The following SLC39A9 variants were observed in gnomAD, a reference collection of about 807,000 sequenced individuals.
SLC39A9 encodes the protein zinc transporter ZIP9.
A neutral mutation model predicts 28.4 loss-of-function variants in SLC39A9; 14 were observed. The ratio of observed to expected loss-of-function variants is 0.49; its 90% CI spans 0.33 to 0.77. SLC39A9 has a LOEUF of 0.77. Among genes scored for constraint, SLC39A9 ranks in the 30% least tolerant of loss-of-function variants. The pLI is 0.02. For missense variants in SLC39A9, 283 were observed against 381.1 expected (o/e 0.74, Z 2.14); for synonymous variants, 119 against 149.6 (o/e 0.80, Z 1.49).
chr14:69,404,639 A>T (rs1882813902), intron 1 of SLC39A9, among the ~76,000 whole-genome samples: 1 of 152,178 alleles, frequency 6.6e-6, no homozygotes, highest in Admixed American at 6.5e-5. Context: ...CTTCGCAGTC[A>T]TGGAAACTTC....
At chr14:69,440,312 G>T (rs1884980942) in intron 2 of SLC39A9, among the ~76,000 whole-genome samples, 1 of 151,960 alleles carries the variant, frequency 6.6e-6, no homozygotes, top group South Asian at 2.1e-4. Flanking sequence ...TGTCAGGCAC[G>T]GTGGCTCAAG....
chr14:69,428,016 C>A (rs1169924900), intron 2 of SLC39A9, among the ~76,000 whole-genome samples: 1 of 152,220 alleles, frequency 6.6e-6, no homozygotes, highest in Non-Finnish European at 1.5e-5. Flanking sequence ...CATGGTGGCT[C>A]ACGCCTATAA....
intron 1 of SLC39A9, 67 bp from the exon 2 acceptor site, chr14:69,424,027 A>G (rs1026824849): frequency 1.7e-6 from 2 of 1,157,718 alleles, no homozygotes; most frequent in African/African-American, 1.5e-5. Context: ...TTGATTACAG[A>G]TACTTGAGAA....
chr14:69,454,208 T>C (rs530035632), intron 4 of SLC39A9, among the ~76,000 whole-genome samples: 6 of 152,372 alleles, frequency 3.9e-5, no homozygotes, highest in African/African-American at 1.2e-4. Flanking sequence ...CAAATTTCAT[T>C]CATTCAACCA....
intron 1 of SLC39A9, among the ~76,000 whole-genome samples, chr14:69,423,752 G>A (rs961271376): frequency 2.0e-5 from 3 of 152,046 alleles, no homozygotes; most frequent in Admixed American, 6.6e-5. Flanking sequence ...ACAAAAATTA[G>A]CCAGATGTGG....
At chr14:69,401,339 C>T (rs534973868) in intron 1 of SLC39A9, among the ~76,000 whole-genome samples, 1 of 152,306 alleles carries the variant, frequency 6.6e-6, no homozygotes, top group Non-Finnish European at 1.5e-5. Context: ...CTGCCCAGTA[C>T]TTTGTGAACC....
chr14:69,409,086 A>AT (rs766503688), intron 1 of SLC39A9, among the ~76,000 whole-genome samples: 9 of 152,368 alleles, frequency 5.9e-5, no homozygotes, highest in Non-Finnish European at 1.3e-4. Context: ...CTTTAATTAA[A>AT]TTAACAATTT....
intron 1 of SLC39A9, among the ~76,000 whole-genome samples, chr14:69,417,355 A>C (rs1329929490): frequency 2.6e-5 from 4 of 152,194 alleles, no homozygotes; most frequent in African/African-American, 9.7e-5. Flanking sequence ...TACCAGTACC[A>C]TGCTGTTTTG....
Position 69,461,475 on chromosome 14 carries a change from C to T in SLC39A9, c.*2882C>T, listed in dbSNP as rs1886108587. 1.4e-6 allele frequency: 2 copies of T among 1,411,530 alleles called. No individual in the cohort carries two copies. The highest frequency in any genetic ancestry group is 1.8e-6 in the Non-Finnish European group (2 of 1,084,874). 87.4% of individuals were successfully genotyped at this position (1,411,530 alleles called of 1,614,324 possible). A position where few individuals can be genotyped will look rare whatever the true frequency, so the allele number is the denominator to read the frequency against. On this transcript the variant is annotated 3_prime_UTR_variant, in exon 7 of 7. Transcript: ENST00000336643. ...GACAGTTGGAAACAGTACTACCTAC[C>T]TAGAGGTTATGTGTTTTCTCTTTCT...
At position 69,399,366 on chromosome 14, in the gene SLC39A9, C is replaced by A. The variant is rs769071543; in HGVS notation, c.-4C>A. On this transcript the variant is annotated 5_prime_UTR_variant, in exon 1 of 7. Transcript: ENST00000336643. ...GTGGTTGTGGGTGAATAAAGGAGGG[C>A]AGAATGGATGATTTCATCTCCATTA... 7 of 1,613,158 alleles carry A rather than the reference C, an allele frequency of 4.3e-6. No individual in the cohort carries two copies. The East Asian group carries it at 1.6e-4, about 36-fold the overall frequency.
At chr14:69,451,806 C>G (rs1193439523) in intron 3 of SLC39A9, among the ~76,000 whole-genome samples, 1 of 152,116 alleles carries the variant, frequency 6.6e-6, no homozygotes, top group African/African-American at 2.4e-5. Flanking sequence ...GCCTTAAACT[C>G]CTAGGCACAA....
chr14:69,458,788 A>G lies in SLC39A9; in HGVS notation c.*195A>G. ...TAGAGTAGAAACACATTTACGTTGCAGTTAGCTATAGACATCCCATTGTGT... is the reference window on the plus strand; with the variant it reads ...TAGAGTAGAAACACATTTACGTTGCGGTTAGCTATAGACATCCCATTGTGT... On this transcript the variant is annotated 3_prime_UTR_variant, in exon 7 of 7. Coordinates refer to ENST00000336643, the MANE Select transcript of SLC39A9 (RefSeq NM_018375.5). 2 of 1,359,212 alleles carry G rather than the reference A, an allele frequency of 1.5e-6. No homozygotes were observed. Among genetic ancestry groups the G allele is most frequent in the Non-Finnish European group, 1.9e-6 (2 of 1,057,374 alleles). 84.2% of individuals were successfully genotyped at this position (1,359,212 alleles called of 1,614,324 possible). A position where few individuals can be genotyped will look rare whatever the true frequency, so the allele number is the denominator to read the frequency against.
Position 69,452,166 on chromosome 14 carries a change from C to T in SLC39A9, c.404-1075C>T, listed in dbSNP as rs117136683. Among the ~76,000 whole-genome samples the T allele has an allele frequency of 9.2e-5, 14 of 152,190 alleles. No homozygotes were observed. The East Asian group carries it at 1.9e-3, about 21-fold the overall frequency. ...GAAAGGAGAATAAGAAGGTTTTGTT[C>T]GATGGTGTTAAGCAAACTGGTTTAA... On this transcript the variant is annotated intron_variant, in intron 3 of 6. Coordinates refer to ENST00000336643, the MANE Select transcript of SLC39A9 (RefSeq NM_018375.5).
Position 69,424,078 on chromosome 14 carries a change from T to G in SLC39A9, c.97-16T>G. On this transcript the variant is annotated splice_polypyrimidine_tract_variant and intron_variant, in intron 1 of 6. Coordinates refer to ENST00000336643, the MANE Select transcript of SLC39A9 (RefSeq NM_018375.5). Reference sequence around the variant, plus strand: ...TTAATCAAAGTTTGCAATTATTTCTTTTGCTTTCTCCCCAGGAACGACTGA... The same window carrying G: ...TTAATCAAAGTTTGCAATTATTTCTGTTGCTTTCTCCCCAGGAACGACTGA... 6.2e-7 allele frequency: 1 copy of G among 1,604,232 alleles called. No individual in the cohort carries two copies. Among genetic ancestry groups the G allele is most frequent in the Non-Finnish European group, 8.5e-7 (1 of 1,171,500 alleles).
Position 69,459,169 on chromosome 14 carries a change from C to A in SLC39A9, c.*576C>A. 4 of 985,866 alleles carry A rather than the reference C, an allele frequency of 4.1e-6. No homozygotes were observed. Among genetic ancestry groups the A allele is most frequent in the Non-Finnish European group, 4.8e-6 (4 of 830,124 alleles). The allele number at this position is 985,866 out of a possible 1,614,324, so 61.1% of individuals were successfully genotyped here. Reference sequence around the variant, plus strand: ...AAATGATAGCAAGACACATTGAAAGCTCTCTTTATACTCAAAAGAGATATC... The same window carrying A: ...AAATGATAGCAAGACACATTGAAAGATCTCTTTATACTCAAAAGAGATATC... On this transcript the variant is annotated 3_prime_UTR_variant, in exon 7 of 7. Coordinates refer to ENST00000336643, the MANE Select transcript of SLC39A9 (RefSeq NM_018375.5).
intron 1 of SLC39A9, among the ~76,000 whole-genome samples, chr14:69,413,961 A>G (rs1465454227): frequency 6.6e-6 from 1 of 151,560 alleles, no homozygotes; most frequent in Non-Finnish European, 1.5e-5. Context: ...TAATATCCCT[A>G]TTTTTAAAAC....
chr14:69,453,922 T>C (rs1017629378), intron 4 of SLC39A9, among the ~76,000 whole-genome samples: 2 of 152,256 alleles, frequency 1.3e-5, no homozygotes, highest in African/African-American at 4.8e-5. Flanking sequence ...AGAAGAAGTT[T>C]GCTCTTTTCA....
In SLC39A9 at chr14:69,458,718, T is replaced by C. The variant is rs1281544980; in HGVS notation, c.*125T>C. ...CGCATCTCTACATGTATTCCTAGAG[T>C]CCAGAGGGGAGGTGAGGTTAAAACC... On this transcript the variant is annotated 3_prime_UTR_variant, in exon 7 of 7. Coordinates refer to ENST00000336643, the MANE Select transcript of SLC39A9 (RefSeq NM_018375.5). 1 of 1,420,820 alleles carries C rather than the reference T, an allele frequency of 7.0e-7. No homozygotes were observed. Among genetic ancestry groups the C allele is most frequent in the Non-Finnish European group, 9.2e-7 (1 of 1,089,128 alleles). 88.0% of individuals were successfully genotyped at this position (1,420,820 alleles called of 1,614,324 possible).
rs142916734 is a variant in SLC39A9, at chr14:69,434,791, T to C, written c.206-7278T>C. Reference sequence around the variant, plus strand: ...ATTTAGTTCAAAATATTTTCTAATTTTTCATGCAACTTCCTCTTTTACCCG... The same window carrying C: ...ATTTAGTTCAAAATATTTTCTAATTCTTCATGCAACTTCCTCTTTTACCCG... On this transcript the variant is annotated intron_variant, in intron 2 of 6. Coordinates refer to ENST00000336643, the MANE Select transcript of SLC39A9 (RefSeq NM_018375.5). Among the ~76,000 whole-genome samples, 632 of 152,364 alleles carry C rather than the reference T, an allele frequency of 4.1e-3. 1 individual carries two copies. The highest frequency in any genetic ancestry group is 0.014 in the African/African-American group (586 of 41,590).
Sources: allele counts gnomAD v4.1 joint callset (sites outside exome capture counted in the v4.1 genomes callset), GRCh38; gene constraint gnomAD v4.1.1; transcripts MANE v1.5; gene names NCBI Gene and HGNC (gene_info 2026-07-23, HGNC 2026-07-21).